Variants in KLF15 observed in about 807,000 individuals in gnomAD.
KLF15 encodes the protein KLF transcription factor 15.
KLF15 carries 4 observed loss-of-function variants against 24.6 expected under a neutral mutation model. That is an observed-to-expected ratio of 0.16 (90% CI 0.08 to 0.37). The LOEUF is 0.37. KLF15 is among the 10% of genes least tolerant of loss of function. The pLI, the probability that KLF15 is intolerant of heterozygous loss-of-function variation, is 1.00. For missense variants in KLF15, 496 were observed against 560.6 expected, an observed-to-expected ratio of 0.88 and a Z score of 1.16; for synonymous variants, 246 against 236.3, an observed-to-expected ratio of 1.04 and a Z score of -0.37.
the KLF15 span, among the ~76,000 whole-genome samples, chr3:126,322,511 G>C: frequency 6.6e-6 from 1 of 152,078 alleles, no homozygotes; most frequent in Non-Finnish European, 1.5e-5. Flanking sequence ...GATTACGCTG[G>C]ATCCACCAGA....
chr3:126,322,751 C>T, the KLF15 span, among the ~76,000 whole-genome samples: 3 of 152,154 alleles, frequency 2.0e-5, no homozygotes, highest in Non-Finnish European at 4.4e-5. Context: ...TCTTGCCTGC[C>T]CACGCCATTT....
chr3:126,347,195 G>A (rs549801887), intron 2 of KLF15, among the ~76,000 whole-genome samples: 7 of 152,250 alleles, frequency 4.6e-5, no homozygotes, highest in East Asian at 1.9e-4. Context: ...GTATGAAGGC[G>A]TCCCTTCCTT....
chr3:126,304,974 G>A, the KLF15 span, among the ~76,000 whole-genome samples: 5 of 152,316 alleles, frequency 3.3e-5, no homozygotes, highest in East Asian at 1.9e-4. Context: ...TCTCAGTCCC[G>A]CAAGTAGTAA....
At chr3:126,299,881 A>C in the KLF15 span, among the ~76,000 whole-genome samples, 1 of 151,972 alleles carries the variant, frequency 6.6e-6, no homozygotes, top group Non-Finnish European at 1.5e-5. Flanking sequence ...CCCACCCTGC[A>C]GACACCCTGA....
the KLF15 span, among the ~76,000 whole-genome samples, chr3:126,305,113 G>A: frequency 6.6e-6 from 1 of 152,182 alleles, no homozygotes; most frequent in African/African-American, 2.4e-5. Context: ...ACGTGTGATG[G>A]CTGGGGCTTG....
the KLF15 span, among the ~76,000 whole-genome samples, chr3:126,327,500 C>T: frequency 6.6e-6 from 1 of 152,076 alleles, no homozygotes; most frequent in Non-Finnish European, 1.5e-5. Context: ...GTGCTGTGGG[C>T]CACAGTGGGT....
chr3:126,356,752 A>G lies in KLF15; in HGVS notation c.-26+485T>C, dbSNP rs550881052. On this transcript the variant is annotated intron_variant, in intron 1 of 2. Coordinates refer to ENST00000296233, the MANE Select transcript of KLF15 (RefSeq NM_014079.4). This position sits in a 1 kb window ranked among gnomAD's most constrained non-coding sequence, Gnocchi z 4.4. ...AAGAGAGCCGGCTCAGACCCCTTCTAGAGTCCTGGACCGCTGCCCGCTGGG... is the reference window on the plus strand; with the variant it reads ...AAGAGAGCCGGCTCAGACCCCTTCTGGAGTCCTGGACCGCTGCCCGCTGGG... Among the ~76,000 whole-genome samples the G allele has an allele frequency of 4.1e-4, 63 of 152,122 alleles. No homozygotes were observed. Among genetic ancestry groups the G allele is most frequent in the Admixed American group, 2.2e-3 (34 of 15,298 alleles).
the KLF15 span, among the ~76,000 whole-genome samples, chr3:126,330,535 C>CTT: frequency 5.8e-4 from 87 of 149,852 alleles, no homozygotes; most frequent in Middle Eastern, 3.4e-3. Flanking sequence ...TCCTTTCAGT[C>CTT]TTTTTTTTTT....
the KLF15 span, among the ~76,000 whole-genome samples, chr3:126,315,375 C>T: frequency 3.9e-5 from 6 of 152,268 alleles, no homozygotes; most frequent in African/African-American, 7.2e-5. Flanking sequence ...TCAACAGTAA[C>T]GCACTGTGTC....
chr3:126,356,650 G>GGAGGCTGTCCGC lies in KLF15; in HGVS notation c.-26+575_-26+586dup, dbSNP rs1381288975. Among the ~76,000 whole-genome samples, 4 of 152,148 alleles carry GGAGGCTGTCCGC rather than the reference G, an allele frequency of 2.6e-5. No individual in the cohort carries two copies. The highest frequency in any genetic ancestry group is 9.6e-5 in the African/African-American group (4 of 41,452). On this transcript the variant is annotated intron_variant, in intron 1 of 2. Coordinates refer to ENST00000296233, the MANE Select transcript of KLF15 (RefSeq NM_014079.4). This position sits in a 1 kb window ranked among gnomAD's most constrained non-coding sequence, Gnocchi z 4.4. Reference sequence around the variant, plus strand: ...GCGCGGCAGCCGCTGTGGCTGTGCGGGAGGCTGTCCGCGAAGGACTCGCGC... The same window carrying GGAGGCTGTCCGC: ...GCGCGGCAGCCGCTGTGGCTGTGCGGGAGGCTGTCCGCGAGGCTGTCCGCGAAGGACTCGCGC...
chr3:126,314,589 A>G, the KLF15 span, among the ~76,000 whole-genome samples: 17 of 152,180 alleles, frequency 1.1e-4, no homozygotes, highest in East Asian at 2.7e-3. Flanking sequence ...GGCTCTTGCT[A>G]CTAGAACTGA....
At chr3:126,316,776 G>A in the KLF15 span, among the ~76,000 whole-genome samples, 2 of 152,124 alleles carry the variant, frequency 1.3e-5, no homozygotes, top group Non-Finnish European at 2.9e-5. Context: ...TGCACAGGCA[G>A]AGTGGGGCTG....
At chr3:126,289,457 T>C in the KLF15 span, among the ~76,000 whole-genome samples, 4 of 152,188 alleles carry the variant, frequency 2.6e-5, no homozygotes, top group Non-Finnish European at 4.4e-5. Flanking sequence ...AACATGTCTT[T>C]CCAATCAATA....
chr3:126,311,690 C>T, the KLF15 span, among the ~76,000 whole-genome samples: 2 of 152,258 alleles, frequency 1.3e-5, no homozygotes, highest in African/African-American at 4.8e-5. Flanking sequence ...CCTTCACTAA[C>T]TTCTGGGGAG....
the KLF15 span, among the ~76,000 whole-genome samples, chr3:126,297,965 A>T: frequency 6.6e-6 from 1 of 152,210 alleles, no homozygotes; most frequent in Non-Finnish European, 1.5e-5. Context: ...GTAGGTACCC[A>T]GTAGCAGGAT....
At chr3:126,338,306 A>G (rs149478697), downstream of KLF15, among the ~76,000 whole-genome samples, 2 of 152,334 alleles carry the variant, frequency 1.3e-5, no homozygotes, top group East Asian at 3.9e-4. Context: ...CAGCAGTGCC[A>G]CGTCAGCATG....
At chr3:126,338,924 C>A (rs915284060), downstream of KLF15, among the ~76,000 whole-genome samples, 1 of 152,206 alleles carries the variant, frequency 6.6e-6, no homozygotes, top group Non-Finnish European at 1.5e-5. Context: ...TTCACAGAAC[C>A]CAGAGGATGG....
chr3:126,350,275 A>C (rs935437825), intron 2 of KLF15, among the ~76,000 whole-genome samples: 3 of 152,068 alleles, frequency 2.0e-5, no homozygotes, highest in Admixed American at 1.3e-4. Flanking sequence ...CCATGCACCC[A>C]CTCGGCAGGC....
At chr3:126,309,213 G>A in the KLF15 span, among the ~76,000 whole-genome samples, 1 of 152,220 alleles carries the variant, frequency 6.6e-6, no homozygotes, top group Non-Finnish European at 1.5e-5. Context: ...CAGGGAAATG[G>A]GGTTAGCTGA....
Sources: gnomAD v4.1 joint callset for allele counts (sites outside exome capture counted in the v4.1 genomes callset) on GRCh38, gnomAD v4.1.1 for gene constraint, Gnocchi (gnomAD v3.1) non-coding constraint, MANE v1.5 for transcripts, NCBI Gene and HGNC (gene_info 2026-07-23, HGNC 2026-07-21) for gene names.